Variants in TBC1D14 observed in about 807,000 individuals in gnomAD.
The protein encoded by TBC1D14 is TBC1 domain family, member 14.
In TBC1D14, 26 loss-of-function variants were observed where a neutral mutation model predicts 79.0. The ratio of observed to expected loss-of-function variants is 0.33; its 90% confidence interval spans 0.24 to 0.46. TBC1D14 has a LOEUF of 0.46. Ranked by LOEUF, TBC1D14 falls within the 20% of genes least tolerant of loss-of-function variation. The pLI, the probability that TBC1D14 is intolerant of heterozygous loss-of-function variation, is 1.00. For missense variants in TBC1D14, 769 were observed against 887.6 expected (o/e 0.87, Z 1.70); for synonymous variants, 394 against 349.9 (o/e 1.13, Z -1.40).
At chr4:7,028,467 C>T (rs1722696498) in intron 13 of TBC1D14, among the ~76,000 whole-genome samples, 1 of 151,162 alleles carries the variant, frequency 6.6e-6, no homozygotes, top group Admixed American at 6.6e-5. Flanking sequence ...CACCCTGTTG[C>T]CCAGGCTGGA....
intron 2 of TBC1D14, among the ~76,000 whole-genome samples, chr4:6,955,354 AGCCTCGCTGG>A (rs1454561451): frequency 2.0e-5 from 3 of 152,170 alleles, no homozygotes; most frequent in Admixed American, 2.0e-4. Context: ...GAAGCGTCTT[AGCCTCGCTGG>A]GCCTCGGTGT....
intron 7 of TBC1D14, 80 bp from the exon 8 acceptor site, chr4:7,004,764 G>A: frequency 7.7e-7 from 1 of 1,291,976 alleles, no homozygotes; most frequent in Non-Finnish European, 1.1e-6. Flanking sequence ...AGTATTTGGA[G>A]GAAATAGTAC....
At chr4:6,972,843 T>C (rs59666640) in intron 3 of TBC1D14, among the ~76,000 whole-genome samples, 4,461 of 152,234 alleles carry the variant, frequency 0.029, 230 homozygotes, top group African/African-American at 0.1. Context: ...TGCCCAAAAA[T>C]GACCATTTAA....
At position 6,980,436 on chromosome 4, in the gene TBC1D14, G is replaced by T. The variant is rs529555103; in HGVS notation, c.843+13012G>T. On this transcript the variant is annotated intron_variant, in intron 3 of 13. Coordinates refer to ENST00000409757, the MANE Select transcript of TBC1D14 (RefSeq NM_020773.3). ...AATGCTCACATAGAAAAGAAAAAAGGTCTCAGATCAGTAATCAAAGTTTCT... is the reference window on the plus strand; with the variant it reads ...AATGCTCACATAGAAAAGAAAAAAGTTCTCAGATCAGTAATCAAAGTTTCT... Among the ~76,000 whole-genome samples the T allele has an allele frequency of 4.3e-4, 66 of 152,214 alleles. No homozygotes were observed. In the South Asian group the frequency reaches 7.9e-3, roughly 18 times the overall value.
intron 3 of TBC1D14, among the ~76,000 whole-genome samples, chr4:6,978,562 C>T (rs1197300243): frequency 6.7e-6 from 1 of 148,492 alleles, no homozygotes; most frequent in Admixed American, 6.7e-5. Flanking sequence ...TAAGAGTCAT[C>T]ACCACTCCCT....
At chr4:7,016,942 T>C (rs1721344675) in intron 12 of TBC1D14, among the ~76,000 whole-genome samples, 1 of 152,176 alleles carries the variant, frequency 6.6e-6, no homozygotes, top group African/African-American at 2.4e-5. Context: ...TCACACATGC[T>C]GTCTTTGAAC....
At position 7,004,824 on chromosome 4, in the gene TBC1D14, C is replaced by T. The variant is rs1464105720; in HGVS notation, c.1271-20C>T. Reference sequence around the variant, plus strand: ...AAAATACATGTGCACGTAATACTTACCCAGAGGCTTTTCTTCCAGAGCTCT... The same window carrying T: ...AAAATACATGTGCACGTAATACTTATCCAGAGGCTTTTCTTCCAGAGCTCT... On this transcript the variant is annotated intron_variant, in intron 7 of 13. Transcript: ENST00000409757. 1.2e-6 allele frequency: 2 copies of T among 1,613,544 alleles called. No individual in the cohort carries two copies. Among genetic ancestry groups the T allele is most frequent in the Non-Finnish European group, 8.5e-7 (1 of 1,179,530 alleles).
rs576489190 is a variant in TBC1D14 at position 6,992,686 on chromosome 4, T to C, written c.844-1498T>C. 7.9e-5 allele frequency among the ~76,000 whole-genome samples: 12 copies of C among 152,344 alleles called. No homozygotes were observed. In the South Asian group the frequency reaches 2.5e-3, roughly 32 times the overall value. On this transcript the variant is annotated intron_variant, in intron 3 of 13. Transcript: ENST00000409757. ...CAGAATCTTTCTCAACACACAGCTTTTGTTTGATTTCCTATGAAATTGGAG... is the reference window on the plus strand; with the variant it reads ...CAGAATCTTTCTCAACACACAGCTTCTGTTTGATTTCCTATGAAATTGGAG...
At chr4:6,924,304 TCGGTGTCCC>T (rs34023958) in intron 2 of TBC1D14, among the ~76,000 whole-genome samples, 193 bp downstream of exon 2, 96,515 of 151,548 alleles carry the variant, frequency 0.64, 31,272 homozygotes, top group South Asian at 0.78. Context: ...ATTCTGTTCT[TCGGTGTCCC>T]TGGCTCATTT....
chr4:6,993,044 A>G (rs1283683793), intron 3 of TBC1D14, among the ~76,000 whole-genome samples: 2 of 152,200 alleles, frequency 1.3e-5, no homozygotes, highest in African/African-American at 2.4e-5. Flanking sequence ...CTTTCTGGCT[A>G]AGAGAATAAT....
At chr4:6,973,650 A>AT (rs908478219) in intron 3 of TBC1D14, among the ~76,000 whole-genome samples, 12 of 151,172 alleles carry the variant, frequency 7.9e-5, no homozygotes, top group African/African-American at 2.4e-4. Context: ...GAGTTTACCA[A>AT]TTTTTTTTTC....
rs1280886524 is a variant in TBC1D14, at chr4:7,031,285, T to TGG, written c.*897_*898dup. On this transcript the variant is annotated 3_prime_UTR_variant, in exon 14 of 14. Coordinates refer to ENST00000409757, the MANE Select transcript of TBC1D14 (RefSeq NM_020773.3). Reference sequence around the variant, plus strand: ...GGGCAGCAGCCCAGAACAGCACATGTGGGGGAGGTGGCCCCTTGTGCCAGC... The same window carrying TGG: ...GGGCAGCAGCCCAGAACAGCACATGTGGGGGGGAGGTGGCCCCTTGTGCCAGC... The TGG allele has an allele frequency of 6.6e-6, 1 of 152,312 alleles. No individual in the cohort carries two copies. The highest frequency in any genetic ancestry group is 6.5e-5 in the Admixed American group (1 of 15,292). 9.4% of individuals were successfully genotyped at this position (152,312 alleles called of 1,614,324 possible). A position where few individuals can be genotyped will look rare whatever the true frequency, so the allele number is the denominator to read the frequency against.
At chr4:6,910,756 A>G (rs1009322639) in intron 1 of TBC1D14, among the ~76,000 whole-genome samples, 15 of 152,154 alleles carry the variant, frequency 9.9e-5, no homozygotes, top group Admixed American at 9.2e-4. Flanking sequence ...GCGCCTGACC[A>G]GGCCACGTGA....
intron 13 of TBC1D14, among the ~76,000 whole-genome samples, chr4:7,028,816 T>G (rs1046679823): frequency 3.9e-5 from 6 of 151,978 alleles, no homozygotes; most frequent in Non-Finnish European, 8.8e-5. Context: ...GTTAAGACAC[T>G]GGTGAGCTTT....
chr4:6,967,800 T>G (rs1247715269), intron 3 of TBC1D14, among the ~76,000 whole-genome samples: 1 of 152,218 alleles, frequency 6.6e-6, no homozygotes, highest in African/African-American at 2.4e-5. Context: ...TTCTTGGAGC[T>G]CACATCCTTC....
intron 2 of TBC1D14, among the ~76,000 whole-genome samples, chr4:6,960,618 A>T (rs993258534): frequency 2.0e-5 from 3 of 152,188 alleles, no homozygotes; most frequent in Middle Eastern, 3.4e-3. Flanking sequence ...TTGTTTCCAG[A>T]CTTTATCTGA....
intron 3 of TBC1D14, among the ~76,000 whole-genome samples, chr4:6,979,476 T>C (rs1050379577): frequency 6.6e-6 from 1 of 152,080 alleles, no homozygotes; most frequent in African/African-American, 2.4e-5. Flanking sequence ...AAAAATTTAC[T>C]TGGGCATGGT....
At chr4:6,909,753 G>T (rs372819697), upstream of TBC1D14, 4 of 147,796 alleles carry the variant, frequency 2.7e-5, no homozygotes, top group Non-Finnish European at 4.5e-5. Flanking sequence ...GTGGGGGCGT[G>T]CCCAGGGGGC....
intron 3 of TBC1D14, among the ~76,000 whole-genome samples, chr4:6,986,289 A>G (rs377279243): frequency 2.0e-5 from 3 of 152,146 alleles, no homozygotes; most frequent in East Asian, 3.8e-4. Flanking sequence ...GGCGTGGACA[A>G]TGCTGTTAGG....
Sources: gnomAD v4.1 joint callset for allele counts (sites outside exome capture counted in the v4.1 genomes callset) on GRCh38, gnomAD v4.1.1 for gene constraint, MANE v1.5 for transcripts, NCBI Gene and HGNC (gene_info 2026-07-23, HGNC 2026-07-21) for gene names.